Variants in SDK2 observed in about 807,000 individuals in gnomAD.
SDK2 encodes the protein protein sidekick-2.
Under a neutral mutation model 253.9 loss-of-function variants are expected in SDK2, and 105 were observed. That is an observed-to-expected ratio of 0.41 (90% CI 0.35 to 0.49). The LOEUF (loss-of-function observed/expected upper bound fraction) is 0.49, where lower values mean the gene tolerates loss of function less well. Among genes scored for constraint, SDK2 ranks in the 20% least tolerant of loss-of-function variants. The pLI, the probability that SDK2 is intolerant of heterozygous loss-of-function variation, is 0.06. For synonymous variants in SDK2, 1,249 were observed against 1,234.9 expected, an observed-to-expected ratio of 1.01 and a Z score of -0.24; for missense variants, 2,608 against 3,003.0, an observed-to-expected ratio of 0.87 and a Z score of 3.07.
rs574929462 is a variant in SDK2 at position 73,564,718 on chromosome 17, G to A, written c.65-57121C>T. ...CGTATACCTGCAGTCCCATCTACTC[G>A]GGAGGCTGAGGCAGGAGGATCGCTT... On this transcript the variant is annotated intron_variant, in intron 1 of 44. Transcript: ENST00000392650. Among the ~76,000 whole-genome samples, 6 of 152,198 alleles carry A rather than the reference G, an allele frequency of 3.9e-5. 1 individual carries two copies. The highest frequency in any genetic ancestry group is 1.4e-4 in the African/African-American group (6 of 41,542).
At chr17:73,426,208 CT>C (rs751417057) in intron 12 of SDK2, among the ~76,000 whole-genome samples, 36 of 29,166 alleles carry the variant, frequency 1.2e-3, no homozygotes, top group South Asian at 3.0e-3. Flanking sequence ...CCATGCTGGG[CT>C]TTTTTTTTTT....
chr17:73,450,301 T>C lies in SDK2; in HGVS notation c.480-2553A>G, dbSNP rs1013324479. Among the ~76,000 whole-genome samples the C allele has an allele frequency of 2.6e-5, 4 of 152,214 alleles. No individual in the cohort carries two copies. In the South Asian group the frequency reaches 6.2e-4, roughly 24 times the overall value. ...GAAGCAGGTATTCTGTGAGATTTCT[T>C]CCAGCCCAGAGGTTGAAGGATTCTG... On this transcript the variant is annotated intron_variant, in intron 4 of 44. Coordinates refer to ENST00000392650, the MANE Select transcript of SDK2 (RefSeq NM_001144952.2).
At chr17:73,567,675 AG>A (rs2045330437) in intron 1 of SDK2, among the ~76,000 whole-genome samples, 1 of 152,370 alleles carries the variant, frequency 6.6e-6, no homozygotes, top group East Asian at 1.9e-4. Flanking sequence ...CCCTCACACC[AG>A]TGTGCCCAGG....
At chr17:73,494,792 C>T (rs1165315617) in intron 2 of SDK2, among the ~76,000 whole-genome samples, 2 of 152,172 alleles carry the variant, frequency 1.3e-5, no homozygotes, top group Non-Finnish European at 2.9e-5. Flanking sequence ...CCCCTCATGT[C>T]GGGAAGAACC....
intron 40 of SDK2, among the ~76,000 whole-genome samples, chr17:73,355,303 G>C (rs2062582700): frequency 3.4e-5 from 5 of 148,158 alleles, no homozygotes; most frequent in Admixed American, 3.4e-4. Context: ...TCAGCCTCTT[G>C]AGTAGCTGGG....
In SDK2 at chr17:73,443,558, A is replaced by G. The variant is rs2063431391; in HGVS notation, c.614-2635T>C. ...CTCAAGGAAGGCGAGTTCTGAGTTTAAAAATACGAGGGCTGCCCCAGGGCT... is the reference window on the plus strand; with the variant it reads ...CTCAAGGAAGGCGAGTTCTGAGTTTGAAAATACGAGGGCTGCCCCAGGGCT... On this transcript the variant is annotated intron_variant, in intron 5 of 44. Transcript: ENST00000392650. This position sits in a 1 kb window ranked among gnomAD's most constrained non-coding sequence, Gnocchi z 4.6. 6.6e-6 allele frequency among the ~76,000 whole-genome samples: 1 copy of G among 152,234 alleles called. No homozygotes were observed. The highest frequency in any genetic ancestry group is 2.1e-4 in the South Asian group (1 of 4,830).
intron 1 of SDK2, among the ~76,000 whole-genome samples, chr17:73,593,360 C>T (rs915750408): frequency 6.6e-6 from 1 of 152,160 alleles, no homozygotes; most frequent in African/African-American, 2.4e-5. Flanking sequence ...AGCACCCACT[C>T]CCTATCCTGG....
At chr17:73,355,720 T>A (rs2062587182) in intron 40 of SDK2, among the ~76,000 whole-genome samples, 1 of 152,190 alleles carries the variant, frequency 6.6e-6, no homozygotes, top group Admixed American at 6.5e-5. Flanking sequence ...GCAAGGATCA[T>A]GACTAATTCG....
chr17:73,368,817 C>T (rs948185347), intron 36 of SDK2, among the ~76,000 whole-genome samples: 1 of 152,096 alleles, frequency 6.6e-6, no homozygotes, highest in African/African-American at 2.4e-5. Context: ...CAAGACTAGC[C>T]TGGCCAACAT....
At chr17:73,608,265 C>T (rs951153757) in intron 1 of SDK2, among the ~76,000 whole-genome samples, 2 of 151,964 alleles carry the variant, frequency 1.3e-5, no homozygotes, top group Non-Finnish European at 2.9e-5. Flanking sequence ...ATGTGTTTCT[C>T]ATGGTTAGAC....
At chr17:73,388,651 A>T (rs2062894710) in intron 29 of SDK2, among the ~76,000 whole-genome samples, 1 of 152,118 alleles carries the variant, frequency 6.6e-6, no homozygotes, top group Admixed American at 6.5e-5. Flanking sequence ...GACATGTCCA[A>T]TGTCCCCTGT....
At chr17:73,522,884 C>T (rs2064093778) in intron 1 of SDK2, among the ~76,000 whole-genome samples, 1 of 152,154 alleles carries the variant, frequency 6.6e-6, no homozygotes, top group Non-Finnish European at 1.5e-5. Context: ...GTCTCTGGTC[C>T]CCAGCTCCTC....
At chr17:73,464,998 G>C (rs1008519195) in intron 3 of SDK2, among the ~76,000 whole-genome samples, 10 of 152,140 alleles carry the variant, frequency 6.6e-5, no homozygotes, top group African/African-American at 2.2e-4. Flanking sequence ...TGGCATATGG[G>C]GGTGTGCAGC....
intron 42 of SDK2, 52 bp downstream of exon 42, chr17:73,350,598 G>C: frequency 6.3e-7 from 1 of 1,575,492 alleles, no homozygotes; most frequent in Non-Finnish European, 8.6e-7. Context: ...GGCCAAAAAG[G>C]AGATACATAA....
chr17:73,476,310 T>A (rs978931397), intron 2 of SDK2, among the ~76,000 whole-genome samples: 37 of 152,294 alleles, frequency 2.4e-4, no homozygotes, highest in African/African-American at 8.9e-4. Flanking sequence ...CACACTGGGA[T>A]AGGCATACAA....
intron 1 of SDK2, among the ~76,000 whole-genome samples, chr17:73,548,649 C>T (rs2045005566): frequency 6.6e-6 from 1 of 152,212 alleles, no homozygotes; most frequent in Non-Finnish European, 1.5e-5. Context: ...GGCAGTGTGC[C>T]CTGCTCCCAG....
At position 73,338,468 on chromosome 17, in the gene SDK2, C is replaced by T; in HGVS notation, c.*119G>A. The T allele has an allele frequency of 1.4e-6, 1 of 732,840 alleles. No individual in the cohort carries two copies. The highest frequency in any genetic ancestry group is 2.4e-6 in the Non-Finnish European group (1 of 422,600). The allele number at this position is 732,840 out of a possible 1,614,324, so 45.4% of individuals were successfully genotyped here. ...GCCCTGGAATCTCTGGAAAAATAAACTCAGGAGGTGAAAAGTTGACTTGGT... is the reference window on the plus strand; with the variant it reads ...GCCCTGGAATCTCTGGAAAAATAAATTCAGGAGGTGAAAAGTTGACTTGGT... On this transcript the variant is annotated 3_prime_UTR_variant, in exon 45 of 45. Transcript: ENST00000392650. This position sits in a 1 kb window ranked among gnomAD's most constrained non-coding sequence, Gnocchi z 5.0.
chr17:73,380,078 G>A (rs2062818225), intron 34 of SDK2, among the ~76,000 whole-genome samples: 1 of 152,126 alleles, frequency 6.6e-6, no homozygotes, highest in African/African-American at 2.4e-5. Flanking sequence ...GGCAGAACTT[G>A]GGAATGGGAC....
chr17:73,635,346 G>A (rs1043458938), intron 1 of SDK2, among the ~76,000 whole-genome samples: 30 of 152,078 alleles, frequency 2.0e-4, no homozygotes, highest in African/African-American at 7.0e-4. Context: ...GCCACTTTCT[G>A]CACTGGCTCT....
Sources: gnomAD v4.1 joint callset for allele counts (sites outside exome capture counted in the v4.1 genomes callset) on GRCh38, gnomAD v4.1.1 for gene constraint, Gnocchi (gnomAD v3.1) non-coding constraint, MANE v1.5 for transcripts, NCBI Gene and HGNC (gene_info 2026-07-23, HGNC 2026-07-21) for gene names.